MAPKBP1: variants seen among roughly 807,000 people sequenced by gnomAD.
MAPKBP1 encodes the protein mitogen-activated protein kinase binding protein 1.
MAPKBP1 carries 71 observed loss-of-function variants against 170.5 expected under a neutral mutation model. The ratio of observed to expected loss-of-function variants is 0.42; its 90% CI spans 0.34 to 0.51. The LOEUF (loss-of-function observed/expected upper bound fraction) is 0.51, where lower values mean the gene tolerates loss of function less well. MAPKBP1 is among the 20% of genes least tolerant of loss of function. The pLI is 0.06. For missense variants in MAPKBP1, 1,598 were observed against 1,933.0 expected (o/e 0.83, Z 3.25); for synonymous variants, 719 against 757.9 (o/e 0.95, Z 0.84).
At chr15:41,813,515 C>A in intron 8 of MAPKBP1, 106 bp from the exon 9 acceptor site, 1 of 1,507,844 alleles carries the variant, frequency 6.6e-7, no homozygotes, top group Non-Finnish European at 9.1e-7. Flanking sequence ...TCCCTTGCCC[C>A]TGCCTTGGCC....
intron 5 of MAPKBP1, 21 bp downstream of exon 5, chr15:41,811,256 G>A (rs2064800332): frequency 6.2e-7 from 1 of 1,614,174 alleles, no homozygotes. Flanking sequence ...AAGAGGGCTG[G>A]CAGTACTGTA....
At chr15:41,819,557 G>GGGGGGGCCCC in intron 21 of MAPKBP1, 38 bp from the exon 22 acceptor site, 1 of 1,384,566 alleles carries the variant, frequency 7.2e-7, no homozygotes, top group Non-Finnish European at 1.0e-6. Context: ...CGGGGGGGGG[G>GGGGGGGCCCC]CAGGAGACAC....
intron 9 of MAPKBP1, 66 bp from the exon 10 acceptor site, chr15:41,814,484 A>G: frequency 2.0e-6 from 3 of 1,505,664 alleles, no homozygotes; most frequent in Non-Finnish European, 2.7e-6. Flanking sequence ...TGCTCCTTCC[A>G]TTGTGGATTG....
At chr15:41,819,473 G>C in intron 21 of MAPKBP1, 94 bp downstream of exon 21, 1 of 1,591,346 alleles carries the variant, frequency 6.3e-7, no homozygotes, top group African/African-American at 1.3e-5. Flanking sequence ...AGCAGTGTGA[G>C]CTGAGGAAAC....
At chr15:41,776,357 G>A (rs2064098040) in intron 2 of MAPKBP1, among the ~76,000 whole-genome samples, 1 of 152,220 alleles carries the variant, frequency 6.6e-6, no homozygotes, top group Non-Finnish European at 1.5e-5. Flanking sequence ...GAATGCCACT[G>A]TACAAATGGC....
At chr15:41,788,691 A>G (rs1378417079) in intron 2 of MAPKBP1, among the ~76,000 whole-genome samples, 3 of 152,236 alleles carry the variant, frequency 2.0e-5, no homozygotes, top group Non-Finnish European at 4.4e-5. Context: ...TGACAGATGC[A>G]CATGATTCAA....
At chr15:41,775,009 T>C (rs931339280) in intron 1 of MAPKBP1, 158 bp from the exon 2 acceptor site, 10 of 460,088 alleles carry the variant, frequency 2.2e-5, no homozygotes, top group Admixed American at 7.7e-5. Context: ...TCCCCCCCTT[T>C]TTCGTGAGCC....
Position 41,817,482 on chromosome 15 carries a change from GA to G in MAPKBP1, c.1782+25del. 6.2e-7 allele frequency: 1 copy of G among 1,611,982 alleles called. No homozygotes were observed. The highest frequency in any genetic ancestry group is 8.5e-7 in the Non-Finnish European group (1 of 1,178,078). On this transcript the variant is annotated intron_variant, in intron 15 of 30. Coordinates refer to ENST00000457542, the MANE Select transcript of MAPKBP1 (RefSeq NM_014994.3). This position sits in a 1 kb window ranked among gnomAD's most constrained non-coding sequence, Gnocchi z 4.2. ...AGGTGAGGGCGCTGGGCTTTCCTGA[GA>G]GGGGCGGGACAGGGCGGGGTCTGCC...
At chr15:41,790,421 A>G (rs575068343) in intron 2 of MAPKBP1, among the ~76,000 whole-genome samples, 1 of 152,166 alleles carries the variant, frequency 6.6e-6, no homozygotes, top group Non-Finnish European at 1.5e-5. Flanking sequence ...GTTACATGAA[A>G]AAAACCTTAA....
At chr15:41,822,710 C>T in intron 27 of MAPKBP1, 33 bp downstream of exon 27, 1 of 1,610,714 alleles carries the variant, frequency 6.2e-7, no homozygotes. Context: ...AGCAGCAGCT[C>T]TGGCTCTCCT....
At position 41,817,791 on chromosome 15, in the gene MAPKBP1, G is replaced by T; in HGVS notation, c.1904+56G>T. 6.3e-7 allele frequency: 1 copy of T among 1,595,292 alleles called. No homozygotes were observed. Among genetic ancestry groups the T allele is most frequent in the African/African-American group, 1.3e-5 (1 of 74,522 alleles). ...ATTCCTTCATCTCCCTACGGGGTCAGCTCTGTGCAGCTAAGTTCCCACATC... is the reference window on the plus strand; with the variant it reads ...ATTCCTTCATCTCCCTACGGGGTCATCTCTGTGCAGCTAAGTTCCCACATC... On this transcript the variant is annotated intron_variant, in intron 16 of 30. Coordinates refer to ENST00000457542, the MANE Select transcript of MAPKBP1 (RefSeq NM_014994.3). The surrounding 1 kb of genome is among the most constrained non-coding windows in gnomAD (Gnocchi z 4.2).
intron 5 of MAPKBP1, chr15:41,811,644 C>T (rs994508151): frequency 6.4e-6 from 4 of 625,190 alleles, no homozygotes; most frequent in Non-Finnish European, 1.2e-5. Context: ...TTACTAGGGG[C>T]AGAAATAGAC....
intron 8 of MAPKBP1, 59 bp from the exon 9 acceptor site, chr15:41,813,559 TGGG>T: frequency 6.3e-7 from 1 of 1,583,804 alleles, no homozygotes; most frequent in Non-Finnish European, 8.6e-7. Context: ...TGTTGATGGG[TGGG>T]GAGGAGAGAA....
intron 5 of MAPKBP1, 79 bp from the exon 6 acceptor site, chr15:41,811,878 C>A: frequency 1.3e-6 from 2 of 1,489,422 alleles, no homozygotes; most frequent in Non-Finnish European, 1.9e-6. Flanking sequence ...GAGGCGAGGG[C>A]CCCGCTCTGG....
chr15:41,812,027 A>C lies in MAPKBP1; in HGVS notation c.398A>C (p.His133Pro). Residue 133 changes from histidine (H) to proline (P), a missense_variant, in exon 6 of 31, where the codon CAC becomes CCC. This residue lies in a region of MAPKBP1 where 151 missense variants were observed against 191.4 expected (regional missense o/e 0.79). Coordinates refer to ENST00000457542, the MANE Select transcript of MAPKBP1 (RefSeq NM_014994.3). Reference protein sequence around the residue: ...EHSQVAELQEHKYGVACVAFS... With the variant: ...EHSQVAELQEPKYGVACVAFS... Reference sequence around the variant, plus strand: ...AGCCAGGTGGCCGAGCTGCAGGAGCACAAGTATGGTGTGGCTTGTGTGGCC... The same window carrying C: ...AGCCAGGTGGCCGAGCTGCAGGAGCCCAAGTATGGTGTGGCTTGTGTGGCC... 6.2e-7 allele frequency: 1 copy of C among 1,614,080 alleles called. No homozygotes were observed. The highest frequency in any genetic ancestry group is 8.5e-7 in the Non-Finnish European group (1 of 1,180,004).
intron 21 of MAPKBP1, 51 bp from the exon 22 acceptor site, chr15:41,819,544 T>TGGTGGGGGGG: frequency 1.1e-6 from 1 of 912,368 alleles, no homozygotes; most frequent in Non-Finnish European, 1.5e-6. Context: ...CAGGGTTGGG[T>TGGTGGGGGGG]GGCGGGGGGG....
chr15:41,789,657 C>CT (rs750988695), intron 2 of MAPKBP1, among the ~76,000 whole-genome samples: 12 of 152,322 alleles, frequency 7.9e-5, no homozygotes, highest in African/African-American at 1.2e-4. Flanking sequence ...GCTCTGACCA[C>CT]ATGGGATACT....
At chr15:41,799,949 G>A (rs909207858) in intron 3 of MAPKBP1, 35 bp downstream of exon 3, 2 of 1,582,398 alleles carry the variant, frequency 1.3e-6, no homozygotes, top group African/African-American at 2.7e-5. Flanking sequence ...CTTGATGCAT[G>A]GGAATTTATA....
Position 41,822,954 on chromosome 15 carries a change from C to T in MAPKBP1, c.3330C>T (p.Ser1110=), listed in dbSNP as rs61729966. ...QTRPLREPSP[S]SSSLALMSRP... ...CTCCCTGTAGGGAACCATCCCCATC[C>T]TCCTCAAGCCTGGCACTGATGTCGA... The change falls in exon 28 of 31, where the codon TCC becomes TCT. Residue 1110 remains serine, a synonymous_variant. Transcript: ENST00000457542. 8,185 of 1,609,166 alleles carry T rather than the reference C, an allele frequency of 5.1e-3. 22 individuals carry two copies. Among genetic ancestry groups the T allele is most frequent in the Non-Finnish European group, 6.3e-3 (7,467 of 1,176,298 alleles).
Sources: allele counts gnomAD v4.1 joint callset (sites outside exome capture counted in the v4.1 genomes callset), GRCh38; gene constraint gnomAD v4.1.1; regional missense constraint gnomAD v4.1.1; non-coding constraint Gnocchi (gnomAD v3.1); transcripts MANE v1.5; gene names NCBI Gene and HGNC (gene_info 2026-07-23, HGNC 2026-07-21).